The following ADGRL2 variants were observed in gnomAD, a reference collection of about 807,000 sequenced individuals.
ADGRL2 encodes the protein adhesion G protein-coupled receptor L2, also known as calcium-independent alpha-latrotoxin receptor 2.
A neutral mutation model predicts 157.4 loss-of-function variants in ADGRL2; 44 were observed. That is an observed-to-expected ratio of 0.28 (90% CI 0.22 to 0.36). ADGRL2 has a LOEUF of 0.36. ADGRL2 is among the 10% of genes least tolerant of loss of function. The pLI is 1.00. For missense variants in ADGRL2, 1,510 were observed against 1,768.9 expected (o/e 0.85, Z 2.63); for synonymous variants, 585 against 624.7 (o/e 0.94, Z 0.95).
At chr1:81,361,900 C>T (rs916687524) in intron 1 of ADGRL2, among the ~76,000 whole-genome samples, 1 of 151,828 alleles carries the variant, frequency 6.6e-6, no homozygotes, top group Non-Finnish European at 1.5e-5. Context: ...TTTCCTCCCC[C>T]ATTCAATAAC....
intron 2 of ADGRL2, among the ~76,000 whole-genome samples, chr1:81,789,288 A>C (rs960151734): frequency 5.9e-5 from 9 of 152,234 alleles, no homozygotes; most frequent in African/African-American, 1.9e-4. Context: ...GTGATGTGTA[A>C]TAAGTTCTAT....
At chr1:81,354,831 C>G (rs759708853) in intron 1 of ADGRL2, among the ~76,000 whole-genome samples, 13 of 152,142 alleles carry the variant, frequency 8.5e-5, no homozygotes, top group Non-Finnish European at 1.9e-4. Flanking sequence ...CCAAATAGGT[C>G]TTAGTAATTG....
chr1:81,632,512 A>G (rs1284095404), intron 3 of ADGRL2, among the ~76,000 whole-genome samples: 1 of 152,102 alleles, frequency 6.6e-6, no homozygotes, highest in Non-Finnish European at 1.5e-5. Context: ...TAATCCCAGC[A>G]CTTTGGGAGG....
intron 1 of ADGRL2, among the ~76,000 whole-genome samples, chr1:81,442,523 C>T (rs1195092902): frequency 2.0e-5 from 3 of 152,088 alleles, no homozygotes; most frequent in African/African-American, 2.4e-5. Context: ...AGATTTTATC[C>T]CTATCTGTAA....
intron 2 of ADGRL2, among the ~76,000 whole-genome samples, chr1:81,872,766 G>A (rs988859929): frequency 6.6e-6 from 1 of 151,910 alleles, no homozygotes; most frequent in Non-Finnish European, 1.5e-5. Flanking sequence ...ATATTTTTCT[G>A]GATTTTTAAG....
At chr1:81,595,125 G>A (rs1337759519) in intron 3 of ADGRL2, among the ~76,000 whole-genome samples, 3 of 152,132 alleles carry the variant, frequency 2.0e-5, no homozygotes, top group Non-Finnish European at 4.4e-5. Flanking sequence ...TGTGACATGT[G>A]CTATGCTAGC....
chr1:81,714,819 C>T (rs1045798503), intron 1 of ADGRL2, among the ~76,000 whole-genome samples: 1 of 151,044 alleles, frequency 6.6e-6, no homozygotes. Context: ...AGTCACTCCA[C>T]ATTGATTCAA....
intron 17 of ADGRL2, among the ~76,000 whole-genome samples, chr1:81,973,241 T>G (rs919155391): frequency 1.3e-5 from 2 of 152,184 alleles, no homozygotes; most frequent in African/African-American, 4.8e-5. Context: ...AGTAAAACAT[T>G]CTCAAGTATT....
chr1:81,492,642 TC>T (rs2078657683), intron 2 of ADGRL2, among the ~76,000 whole-genome samples: 2 of 152,220 alleles, frequency 1.3e-5, no homozygotes, highest in Admixed American at 1.3e-4. Flanking sequence ...ATGCTTCATT[TC>T]TAAAGTTGGA....
intron 1 of ADGRL2, among the ~76,000 whole-genome samples, chr1:81,380,613 T>C (rs966555924): frequency 5.3e-5 from 8 of 152,216 alleles, no homozygotes; most frequent in African/African-American, 1.9e-4. Flanking sequence ...ATACCATTTT[T>C]GACTAAGCCT....
chr1:81,596,248 G>A (rs541621150), intron 3 of ADGRL2: 3 of 579,304 alleles, frequency 5.2e-6, no homozygotes, highest in African/African-American at 1.9e-5. Flanking sequence ...TCAATGAGTC[G>A]CTTGTGGATT....
chr1:81,806,667 T>A (rs762593399), intron 1 of ADGRL2, among the ~76,000 whole-genome samples: 3 of 152,016 alleles, frequency 2.0e-5, no homozygotes, highest in Non-Finnish European at 2.9e-5. Context: ...CAAATAACAC[T>A]CAGTTTATTG....
At chr1:81,720,186 T>TC (rs2149118625) in intron 1 of ADGRL2, among the ~76,000 whole-genome samples, 1 of 116,842 alleles carries the variant, frequency 8.6e-6, no homozygotes, top group South Asian at 2.7e-4. Flanking sequence ...TTTCTTTTCT[T>TC]TTTTTTTTTT....
chr1:81,494,961 T>C (rs916679558), intron 2 of ADGRL2, among the ~76,000 whole-genome samples: 3 of 152,098 alleles, frequency 2.0e-5, no homozygotes, highest in East Asian at 1.9e-4. Flanking sequence ...AGAACCATAT[T>C]TGTGACACAG....
chr1:81,568,642 G>T (rs2080616329), intron 2 of ADGRL2, among the ~76,000 whole-genome samples: 1 of 152,122 alleles, frequency 6.6e-6, no homozygotes, highest in Non-Finnish European at 1.5e-5. Flanking sequence ...ATGAACGTTG[G>T]TTTTGTTCAA....
intron 3 of ADGRL2, among the ~76,000 whole-genome samples, chr1:81,632,683 C>T (rs922031659): frequency 3.3e-5 from 5 of 151,076 alleles, no homozygotes; most frequent in African/African-American, 1.2e-4. Flanking sequence ...AGCGTGAACC[C>T]GGGAGGCGGA....
intron 2 of ADGRL2, among the ~76,000 whole-genome samples, chr1:81,504,577 C>T (rs28696185): frequency 3.9e-5 from 6 of 152,050 alleles, no homozygotes; most frequent in Non-Finnish European, 7.4e-5. Context: ...TTGGGTACCC[C>T]GGCCCCTCTG....
chr1:81,660,311 G>A (rs1350074462), intron 3 of ADGRL2, among the ~76,000 whole-genome samples: 1 of 152,146 alleles, frequency 6.6e-6, no homozygotes, highest in Non-Finnish European at 1.5e-5. Flanking sequence ...TCAGTTGCTT[G>A]TTTTCCAAAC....
Position 81,543,458 on chromosome 1 carries a change from CT to C in ADGRL2, c.-247-37417del, listed in dbSNP as rs76372434. ...TAAAACTGAGAGAAATACATTTCTG[CT>C]GTTTATAAGCCACCCATTTACAGTA... is the stretch of plus-strand genomic sequence containing the variant. On this transcript the variant is annotated intron_variant, in intron 2 of 24. Transcript: ENST00000370721. Among the ~76,000 whole-genome samples the C allele has an allele frequency of 3.7e-4, 56 of 152,280 alleles. No homozygotes were observed. In the East Asian group the frequency reaches 0.011, roughly 29 times the overall value.
Sources: allele counts gnomAD v4.1 joint callset (sites outside exome capture counted in the v4.1 genomes callset), GRCh38; gene constraint gnomAD v4.1.1; transcripts MANE v1.5; gene names NCBI Gene and HGNC (gene_info 2026-07-23, HGNC 2026-07-21).